P2RX5: variants seen among roughly 807,000 people sequenced by gnomAD.
The protein encoded by P2RX5 is P2X purinoceptor 5.
A neutral mutation model predicts 54.1 loss-of-function variants in P2RX5; 46 were observed. The observed-to-expected ratio is 0.85, with a 90% CI of 0.67 to 1.09. The LOEUF (loss-of-function observed/expected upper bound fraction) is 1.09, where lower values mean the gene tolerates loss of function less well. P2RX5 is among the 50% of genes least tolerant of loss of function. P2RX5 has a pLI of 0.00. For synonymous variants in P2RX5, 226 were observed against 226.4 expected, an observed-to-expected ratio of 1.00 and a Z score of 0.02; for missense variants, 566 against 549.8, an observed-to-expected ratio of 1.03 and a Z score of -0.29.
rs770436538 is a variant in P2RX5, at chr17:3,696,021, G to A, written c.-16C>T. On this transcript the variant is annotated 5_prime_UTR_variant, in exon 1 of 12. Coordinates refer to ENST00000225328, the MANE Select transcript of P2RX5 (RefSeq NM_002561.4). ...CCTGCCCCATGGCGCGCTCTCAGCC[G>A]GGCTTGCGGACCGCCCGGCCCACGT... 1.2e-6 allele frequency: 2 copies of A among 1,612,826 alleles called. No homozygotes were observed. Among genetic ancestry groups the A allele is most frequent in the Admixed American group, 1.7e-5 (1 of 59,968 alleles).
upstream of P2RX5, among the ~76,000 whole-genome samples, chr17:3,699,958 G>A (rs910793448): frequency 1.5e-5 from 2 of 137,484 alleles, no homozygotes; most frequent in African/African-American, 5.0e-5. Flanking sequence ...AAGAAAGAAA[G>A]AAAGAAAGAA....
chr17:3,677,874 A>G, intron 11 of P2RX5: 1 of 985,296 alleles, frequency 1.0e-6, no homozygotes, highest in Non-Finnish European at 1.2e-6. Flanking sequence ...CTCCTCTTCT[A>G]GGTCCGAGCC....
the P2RX5 span, among the ~76,000 whole-genome samples, chr17:3,710,468 C>T: frequency 6.6e-6 from 1 of 151,712 alleles, no homozygotes; most frequent in Non-Finnish European, 1.5e-5. Context: ...ATGAAAGTTT[C>T]CCTTGATTCC....
the P2RX5 span, among the ~76,000 whole-genome samples, chr17:3,712,800 G>T: frequency 1.3e-5 from 2 of 152,030 alleles, no homozygotes; most frequent in Non-Finnish European, 2.9e-5. Context: ...AAAATTAGCT[G>T]GGCATGGTGG....
In P2RX5 at chr17:3,673,719, T is replaced by G. The variant is rs2050034507; in HGVS notation, c.*149A>C. On this transcript the variant is annotated 3_prime_UTR_variant, in exon 12 of 12. Transcript: ENST00000225328. ...ATCAGACGTGGAGGTCACTTTGCTC[T>G]GTGATGGCTGGTCCCTGTGATGTGG... The G allele has an allele frequency of 6.3e-7, 1 of 1,590,982 alleles. No individual in the cohort carries two copies. Among genetic ancestry groups the G allele is most frequent in the South Asian group, 1.1e-5 (1 of 88,150 alleles).
chr17:3,721,431 G>A, the P2RX5 span, among the ~76,000 whole-genome samples: 1 of 150,734 alleles, frequency 6.6e-6, no homozygotes, highest in Non-Finnish European at 1.5e-5. Context: ...GCCACCATGC[G>A]TGGCTAATTT....
intron 11 of P2RX5, chr17:3,675,206 T>A (rs222760): frequency 0.44 from 109,618 of 251,582 alleles, 25,484 homozygotes; most frequent in African/African-American, 0.65. Flanking sequence ...CGCCCAGCTA[T>A]TTTTTTGTAT....
intron 11 of P2RX5, among the ~76,000 whole-genome samples, chr17:3,678,508 C>T (rs1182600440): frequency 1.3e-5 from 2 of 152,226 alleles, no homozygotes; most frequent in African/African-American, 4.8e-5. Flanking sequence ...TCAGGGAGCA[C>T]AGGAGGGCTG....
At chr17:3,690,817 T>G in intron 3 of P2RX5, 137 bp from the exon 4 acceptor site, 1 of 1,135,760 alleles carries the variant, frequency 8.8e-7, no homozygotes, top group South Asian at 1.3e-5. Flanking sequence ...CCCCATATAA[T>G]GCAGGAACCA....
chr17:3,684,370 A>C (rs1391119409), intron 9 of P2RX5, among the ~76,000 whole-genome samples: 1 of 152,232 alleles, frequency 6.6e-6, no homozygotes, highest in Non-Finnish European at 1.5e-5. Flanking sequence ...TGGGGAGGCC[A>C]ATGCCGGAGG....
At position 3,688,120 on chromosome 17, in the gene P2RX5, G is replaced by C; in HGVS notation, c.888-15C>G. The C allele has an allele frequency of 6.8e-7, 1 of 1,477,288 alleles. No individual in the cohort carries two copies. Among genetic ancestry groups the C allele is most frequent in the Non-Finnish European group, 9.4e-7 (1 of 1,064,568 alleles). 91.5% of individuals were successfully genotyped at this position (1,477,288 alleles called of 1,614,324 possible). On this transcript the variant is annotated splice_polypyrimidine_tract_variant and intron_variant, in intron 8 of 11. Coordinates refer to ENST00000225328, the MANE Select transcript of P2RX5 (RefSeq NM_002561.4). ...ATCTGGCAAATCTGAGGGAGACAGG[G>C]CCCAGGGGAGGCCTCAGCCTGCCTG...
chr17:3,722,959 T>C, the P2RX5 span, among the ~76,000 whole-genome samples: 8 of 152,308 alleles, frequency 5.3e-5, no homozygotes, highest in East Asian at 9.6e-4. Context: ...AAAGGGTAGC[T>C]TGAATTACAA....
upstream of P2RX5, among the ~76,000 whole-genome samples, chr17:3,699,824 A>AG (rs141426295): frequency 2.9e-3 from 333 of 115,908 alleles, 8 homozygotes; most frequent in Middle Eastern, 0.059. Context: ...GAAAGAGAGA[A>AG]AGAGAGAGAG....
chr17:3,677,527 T>C (rs1658439746), intron 11 of P2RX5: 4 of 985,322 alleles, frequency 4.1e-6, no homozygotes, highest in South Asian at 9.4e-5. Flanking sequence ...AATGTCCCCT[T>C]GGGTGTTGTC....
chr17:3,676,074 GAGCCGCCCAGAC>G (rs2050096320), intron 11 of P2RX5: 1 of 985,414 alleles, frequency 1.0e-6, no homozygotes, highest in East Asian at 1.1e-4. Flanking sequence ...TGCTTCCAGG[GAGCCGCCCAGAC>G]AGCACTGGGA....
rs377575560 is a variant in P2RX5, at chr17:3,688,041, T to A, written c.952A>T (p.Ile318Phe). The change falls in exon 9 of 12, where the codon ATC becomes TTC. Residue 318 changes from isoleucine (I) to phenylalanine (F), a missense_variant. Coordinates refer to ENST00000225328, the MANE Select transcript of P2RX5 (RefSeq NM_002561.4). ...CCGTTCACCATCACGTCAAAGCGGA[T>A]CCCGTAGGCTTTCATCAGGGTGCGG... The part of the protein sequence containing the change: ...EFRTLMKAYG[I>F]RFDVMVNGKG... 6.3e-7 allele frequency: 1 copy of A among 1,591,278 alleles called. No individual in the cohort carries two copies. Among genetic ancestry groups the A allele is most frequent in the East Asian group, 2.3e-5 (1 of 43,622 alleles).
At chr17:3,701,754 T>TG in the P2RX5 span, among the ~76,000 whole-genome samples, 29 of 119,662 alleles carry the variant, frequency 2.4e-4, no homozygotes, top group South Asian at 3.6e-4. Flanking sequence ...CTGTTTTTTT[T>TG]TTTTTTGTTT....
chr17:3,682,315 A>G (rs2050306840), intron 9 of P2RX5: 1 of 385,246 alleles, frequency 2.6e-6, no homozygotes, highest in Non-Finnish European at 5.0e-6. Flanking sequence ...GAGGATCTGG[A>G]CAAGAGAGAC....
intron 9 of P2RX5, among the ~76,000 whole-genome samples, chr17:3,684,354 A>G (rs2050373025): frequency 6.6e-6 from 1 of 152,266 alleles, no homozygotes; most frequent in Non-Finnish European, 1.5e-5. Flanking sequence ...CCATAATCCC[A>G]GCACTTGGGG....
Sources: allele counts gnomAD v4.1 joint callset (sites outside exome capture counted in the v4.1 genomes callset), GRCh38; gene constraint gnomAD v4.1.1; transcripts MANE v1.5; gene names NCBI Gene and HGNC (gene_info 2026-07-23, HGNC 2026-07-21).